Variants in POU2F2 observed in about 807,000 individuals in gnomAD.
POU2F2 encodes the protein POU class 2 homeobox 2, also known as POU domain, class 2, transcription factor 2.
In POU2F2, 14 loss-of-function variants were observed where a neutral mutation model predicts 63.5. The observed-to-expected ratio is 0.22, with a 90% confidence interval of 0.15 to 0.34. The LOEUF (loss-of-function observed/expected upper bound fraction) is 0.34. Among genes scored for constraint, POU2F2 ranks in the 10% least tolerant of loss-of-function variants. The pLI is 1.00. For synonymous variants in POU2F2, 306 were observed against 348.6 expected (o/e 0.88, Z 1.36); for missense variants, 607 against 815.2 (o/e 0.74, Z 3.11).
intron 1 of POU2F2, among the ~76,000 whole-genome samples, chr19:42,190,457 T>A (rs2035063758): frequency 6.6e-6 from 1 of 152,052 alleles, no homozygotes; most frequent in Non-Finnish European, 1.5e-5. Flanking sequence ...CTAAGAAGTT[T>A]GAGTGACACC....
upstream of POU2F2, among the ~76,000 whole-genome samples, chr19:42,197,461 C>T (rs1484731776): frequency 1.3e-5 from 2 of 152,178 alleles, no homozygotes; most frequent in Non-Finnish European, 2.9e-5. Flanking sequence ...CCCTCCTGCA[C>T]ATCAAGACGG....
chr19:42,098,061 C>T (rs2076990630), intron 7 of POU2F2, among the ~76,000 whole-genome samples: 1 of 152,162 alleles, frequency 6.6e-6, no homozygotes, highest in African/African-American at 2.4e-5. Context: ...TTGCCTCAGG[C>T]TCACAAGTAG....
chr19:42,168,799 A>G (rs541533140), intron 1 of POU2F2, among the ~76,000 whole-genome samples: 1 of 152,248 alleles, frequency 6.6e-6, no homozygotes, highest in South Asian at 2.1e-4. Flanking sequence ...ACACATTTAG[A>G]ATCTGTGTGT....
intron 2 of POU2F2, among the ~76,000 whole-genome samples, chr19:42,141,473 C>CTTTTTTTTTT (rs58221767): frequency 2.0e-5 from 2 of 98,970 alleles, no homozygotes; most frequent in African/African-American, 4.2e-5. Flanking sequence ...CTTAATTAAT[C>CTTTTTTTTTT]TTTTTTTTTT....
chr19:42,113,229 TAA>T (rs2031381871), intron 5 of POU2F2, among the ~76,000 whole-genome samples: 1 of 152,216 alleles, frequency 6.6e-6, no homozygotes, highest in Non-Finnish European at 1.5e-5. Context: ...ACTGTTAACG[TAA>T]GTTTTCAATC....
chr19:42,158,542 A>C (rs1267609205), intron 2 of POU2F2, among the ~76,000 whole-genome samples: 2 of 152,200 alleles, frequency 1.3e-5, no homozygotes, highest in East Asian at 3.8e-4. Context: ...AGGTGCCAAC[A>C]CCCACTTCAC....
chr19:42,150,513 A>T (rs1015929468), intron 2 of POU2F2, among the ~76,000 whole-genome samples: 4 of 151,522 alleles, frequency 2.6e-5, no homozygotes, highest in Admixed American at 2.0e-4. Context: ...TGACAATAAA[A>T]ATGCTTTATT....
intron 1 of POU2F2, among the ~76,000 whole-genome samples, chr19:42,188,850 AAGAG>A (rs909511517): frequency 6.9e-6 from 1 of 144,540 alleles, no homozygotes; most frequent in Non-Finnish European, 1.5e-5. Flanking sequence ...AAGAAAGGGA[AAGAG>A]AGAGAAAGAA....
chr19:42,197,053 A>T (rs575542055), upstream of POU2F2, among the ~76,000 whole-genome samples: 111 of 152,320 alleles, frequency 7.3e-4, no homozygotes, highest in Non-Finnish European at 1.3e-3. Flanking sequence ...GCTCAAGGGA[A>T]TGGCAGGTCC....
Position 42,092,270 on chromosome 19 carries a change from A to T in POU2F2, c.1265T>A (p.Val422Asp), listed in dbSNP as rs755730608. Residue 422 changes from valine to aspartate, a missense_variant and splice_region_variant, in exon 13 of 15, where the codon GTT becomes GAT. Transcript: ENST00000692977. This position sits in a 1 kb window ranked among gnomAD's most constrained non-coding sequence, Gnocchi z 5.0. Reference sequence around the variant, plus strand: ...CCCCACAGCTGAGGATAAGGTAGTAACTGCCAGAGAGAGACAGAAAGATGG... The same window carrying T: ...CCCCACAGCTGAGGATAAGGTAGTATCTGCCAGAGAGAGACAGAAAGATGG... Reference protein sequence around the residue: ...SQASSSLSTTVTTLSSAVGTL... With the variant: ...SQASSSLSTTDTTLSSAVGTL... 1 of 1,548,164 alleles carries T rather than the reference A, an allele frequency of 6.5e-7. No homozygotes were observed. Among genetic ancestry groups the T allele is most frequent in the South Asian group, 1.2e-5 (1 of 84,198 alleles).
chr19:42,109,233 G>C (rs1056439560), intron 5 of POU2F2, among the ~76,000 whole-genome samples: 1 of 152,234 alleles, frequency 6.6e-6, no homozygotes, highest in Non-Finnish European at 1.5e-5. Flanking sequence ...CCTCACTCCA[G>C]TGCACAGGCC....
At chr19:42,104,724 G>A (rs1312049816) in intron 5 of POU2F2, among the ~76,000 whole-genome samples, 1 of 152,124 alleles carries the variant, frequency 6.6e-6, no homozygotes, top group African/African-American at 2.4e-5. Flanking sequence ...AGAAGGCCAC[G>A]CTGTAAATCC....
intron 2 of POU2F2, among the ~76,000 whole-genome samples, chr19:42,154,360 A>G (rs546289382): frequency 6.6e-6 from 1 of 152,222 alleles, no homozygotes; most frequent in Admixed American, 6.5e-5. Context: ...AGAGACTGGA[A>G]GGGACACAGA....
At chr19:42,145,987 C>T (rs1599662729) in intron 2 of POU2F2, among the ~76,000 whole-genome samples, 1 of 140,756 alleles carries the variant, frequency 7.1e-6, no homozygotes, top group Admixed American at 7.3e-5. Context: ...GAGCCGAGAT[C>T]GCGCCACTGC....
rs1455040065 is a variant in POU2F2, at chr19:42,099,746, G to A, written c.445C>T (p.Leu149=). ...TGGCTCTGCTGGGCCTGCGGTAGCA[G>A]GAACTGAGCAGGTGGCTGGAGGTGG... is the stretch of plus-strand genomic sequence containing the variant. ...GHHLQPPAQF[L]LPQAQQSQPG... Residue 149 remains leucine (L), a synonymous_variant, in exon 6 of 15, where the codon CTG becomes TTG. Transcript: ENST00000692977. The A allele has an allele frequency of 6.3e-7, 1 of 1,592,902 alleles. No individual in the cohort carries two copies.
chr19:42,093,009 A>ATTTTTTT (rs1201422267), intron 12 of POU2F2, among the ~76,000 whole-genome samples: 1 of 47,200 alleles, frequency 2.1e-5, no homozygotes, highest in African/African-American at 6.8e-5. Flanking sequence ...ATATATATAT[A>ATTTTTTT]TTTTTTTTTT....
rs1191979012 is a variant in POU2F2 at position 42,090,996 on chromosome 19, G to A, written c.*261C>T. On this transcript the variant is annotated 3_prime_UTR_variant, in exon 15 of 15. Coordinates refer to ENST00000692977, the MANE Select transcript of POU2F2 (RefSeq NM_001394376.1). The surrounding 1 kb of genome is among the most constrained non-coding windows in gnomAD (Gnocchi z 4.4). Reference sequence around the variant, plus strand: ...TTTTTTTTTTTTTTGGTTTGTTTTTGGTTTTTTTTTGTTTGTTTTTCACCT... The same window carrying A: ...TTTTTTTTTTTTTTGGTTTGTTTTTAGTTTTTTTTTGTTTGTTTTTCACCT... The A allele has an allele frequency of 1.8e-5, 5 of 283,122 alleles. No homozygotes were observed. The highest frequency in any genetic ancestry group is 3.2e-5 in the Non-Finnish European group (5 of 155,226). 17.5% of individuals were successfully genotyped at this position (283,122 alleles called of 1,614,324 possible). A position where few individuals can be genotyped will look rare whatever the true frequency, so the allele number is the denominator to read the frequency against.
At chr19:42,103,948 TC>T (rs1223480807) in intron 5 of POU2F2, among the ~76,000 whole-genome samples, 4 of 152,198 alleles carry the variant, frequency 2.6e-5, no homozygotes, top group Non-Finnish European at 4.4e-5. Context: ...GGGGCTCATT[TC>T]TTTAATATAC....
At chr19:42,125,842 G>A (rs950587951) in intron 1 of POU2F2, among the ~76,000 whole-genome samples, 6 of 152,112 alleles carry the variant, frequency 3.9e-5, no homozygotes, top group African/African-American at 4.8e-5. Flanking sequence ...CACCCATGTC[G>A]AGCATCTCCC....
Sources: allele counts gnomAD v4.1 joint callset (sites outside exome capture counted in the v4.1 genomes callset), GRCh38; gene constraint gnomAD v4.1.1; non-coding constraint Gnocchi (gnomAD v3.1); transcripts MANE v1.5; gene names NCBI Gene and HGNC (gene_info 2026-07-23, HGNC 2026-07-21).